CTNNA3: variants seen among roughly 807,000 people sequenced by gnomAD.
The protein encoded by CTNNA3 is catenin alpha-3.
Under a neutral mutation model 95.7 loss-of-function variants are expected in CTNNA3, and 76 were observed. The observed-to-expected ratio is 0.79, with a 90% confidence interval of 0.66 to 0.96. The LOEUF (loss-of-function observed/expected upper bound fraction) is 0.96, where lower values mean the gene tolerates loss of function less well. CTNNA3 is among the 40% of genes least tolerant of loss of function. The pLI is 0.00. For missense variants in CTNNA3, 1,191 were observed against 1,089.8 expected (o/e 1.09, Z -1.31); for synonymous variants, 431 against 374.4 (o/e 1.15, Z -1.74).
chr10:67,056,448 T>G (rs923984789), intron 7 of CTNNA3, among the ~76,000 whole-genome samples: 1 of 152,160 alleles, frequency 6.6e-6, no homozygotes, highest in Admixed American at 6.6e-5. Flanking sequence ...TGCATTATTT[T>G]TCTTCATGAG....
intron 13 of CTNNA3, among the ~76,000 whole-genome samples, chr10:66,225,927 A>G (rs11815593): frequency 0.024 from 3,633 of 152,100 alleles, 96 homozygotes; most frequent in African/African-American, 0.066. Flanking sequence ...GGTTATTTGG[A>G]TATTTTGCTG....
intron 15 of CTNNA3, among the ~76,000 whole-genome samples, chr10:65,992,367 AC>A (rs1328194524): frequency 1.3e-4 from 19 of 151,988 alleles, no homozygotes; most frequent in Non-Finnish European, 1.5e-5. Flanking sequence ...CAATAAAGGA[AC>A]CAATTCTGGG....
chr10:65,982,750 C>T lies in CTNNA3; in HGVS notation c.2265+5942G>A, dbSNP rs185275699. Among the ~76,000 whole-genome samples, 355 of 147,906 alleles carry T rather than the reference C, an allele frequency of 2.4e-3. 2 individuals are homozygous for T. The highest frequency in any genetic ancestry group is 8.4e-3 in the African/African-American group (341 of 40,626). On this transcript the variant is annotated intron_variant, in intron 16 of 17. Transcript: ENST00000433211. ...TCATGTAACCAAACACCATCTGCTC[C>T]CCAAAAACCTCTTGAAAAAAAAAAT...
chr10:66,011,538 T>C (rs2079004961), intron 15 of CTNNA3, among the ~76,000 whole-genome samples: 1 of 152,156 alleles, frequency 6.6e-6, no homozygotes, highest in African/African-American at 2.4e-5. Flanking sequence ...ATTTTTTATA[T>C]ACATAGCAAG....
intron 17 of CTNNA3, among the ~76,000 whole-genome samples, chr10:65,941,411 T>C (rs1290337960): frequency 6.6e-6 from 1 of 152,174 alleles, no homozygotes; most frequent in African/African-American, 2.4e-5. Flanking sequence ...TCTAACGACA[T>C]GTAGAACAGC....
chr10:66,018,720 C>A (rs1416642994), intron 15 of CTNNA3, among the ~76,000 whole-genome samples: 1 of 151,968 alleles, frequency 6.6e-6, no homozygotes, highest in Non-Finnish European at 1.5e-5. Flanking sequence ...GAGGAATTAT[C>A]TTTTCTATCT....
At chr10:66,866,173 G>A (rs1045090970) in intron 7 of CTNNA3, among the ~76,000 whole-genome samples, 3 of 152,184 alleles carry the variant, frequency 2.0e-5, no homozygotes, top group Non-Finnish European at 4.4e-5. Flanking sequence ...TAGTCACAAA[G>A]CTAGTTAACA....
rs190703900 is a variant in CTNNA3 at position 67,725,913 on chromosome 10, T to G, written c.-2+37521A>C. Among the ~76,000 whole-genome samples the G allele has an allele frequency of 9.4e-3, 1,186 of 125,510 alleles. 21 individuals carry two copies. Among genetic ancestry groups the G allele is most frequent in the African/African-American group, 0.035 (1,107 of 32,024 alleles). The allele number at this position is 125,510 out of a possible 152,430, so 82.3% of individuals were successfully genotyped here. On this transcript the variant is annotated intron_variant, in intron 1 of 17. Transcript: ENST00000684154. ...ATATATAATATATATAATTATATATTGTACATAATATATAATTATATAATT... is the reference window on the plus strand; with the variant it reads ...ATATATAATATATATAATTATATATGGTACATAATATATAATTATATAATT...
chr10:66,438,297 C>T (rs897373632), intron 11 of CTNNA3, among the ~76,000 whole-genome samples: 3 of 152,180 alleles, frequency 2.0e-5, no homozygotes, highest in Non-Finnish European at 4.4e-5. Flanking sequence ...GCTGTGCTCA[C>T]AGCTGCCCCT....
At chr10:67,369,284 G>A (rs1337757205) in intron 5 of CTNNA3, among the ~76,000 whole-genome samples, 2 of 152,048 alleles carry the variant, frequency 1.3e-5, no homozygotes, top group African/African-American at 2.4e-5. Flanking sequence ...GAGACTTGCT[G>A]GTCAAGACTT....
At chr10:67,220,452 G>GA (rs1215718673) in intron 5 of CTNNA3, among the ~76,000 whole-genome samples, 1 of 152,128 alleles carries the variant, frequency 6.6e-6, no homozygotes, top group Non-Finnish European at 1.5e-5. Context: ...GTACAGATAT[G>GA]AAAAAATCCT....
rs562663033 is a variant in CTNNA3, at chr10:67,312,765, T to C, written c.580-92895A>G. 3.3e-5 allele frequency among the ~76,000 whole-genome samples: 5 copies of C among 152,282 alleles called. No individual in the cohort carries two copies. The South Asian group carries it at 1.0e-3, about 32-fold the overall frequency. ...AATATTTGACAAATAGATGGACAGA[T>C]GGGTGGATATATGAATAAATAAATG... On this transcript the variant is annotated intron_variant, in intron 5 of 17. Coordinates refer to ENST00000433211, the MANE Select transcript of CTNNA3 (RefSeq NM_013266.4).
chr10:67,305,241 A>T (rs1042251055), intron 5 of CTNNA3, among the ~76,000 whole-genome samples: 4 of 152,048 alleles, frequency 2.6e-5, no homozygotes, highest in Admixed American at 1.3e-4. Context: ...GCGCCACTGC[A>T]CTCCAGCCTG....
At position 67,530,977 on chromosome 10, in the gene CTNNA3, C is replaced by G. The variant is rs77041323; in HGVS notation, c.459+8526G>C. ...GCAGCTTCTGAAGCCTTGCCACCTT[C>G]CATGTGGTATTGAGCCTGCAAGTGC... On this transcript the variant is annotated intron_variant, in intron 4 of 17. Coordinates refer to ENST00000433211, the MANE Select transcript of CTNNA3 (RefSeq NM_013266.4). Among the ~76,000 whole-genome samples, 236 of 152,298 alleles carry G rather than the reference C, an allele frequency of 1.5e-3. 1 individual carries two copies. Among genetic ancestry groups the G allele is most frequent in the South Asian group, 2.1e-3 (10 of 4,824 alleles).
chr10:66,621,861 C>A, intron 9 of CTNNA3, 77 bp from the exon 10 acceptor site: 1 of 685,126 alleles, frequency 1.5e-6, no homozygotes, highest in Non-Finnish European at 2.4e-6. Flanking sequence ...TGAACAAGAA[C>A]ATGTACACAT....
intron 5 of CTNNA3, among the ~76,000 whole-genome samples, chr10:67,376,276 A>T (rs540065704): frequency 6.6e-6 from 1 of 152,338 alleles, no homozygotes; most frequent in East Asian, 1.9e-4. Context: ...AGGTCAGGAA[A>T]GTCACTTAAC....
chr10:66,679,901 A>G (rs1352763508), intron 9 of CTNNA3, among the ~76,000 whole-genome samples: 2 of 152,178 alleles, frequency 1.3e-5, no homozygotes, highest in Non-Finnish European at 1.5e-5. Flanking sequence ...ATAAAAGTAA[A>G]CCAATTTCTC....
At chr10:67,555,435 A>C (rs1841204948) in intron 3 of CTNNA3, among the ~76,000 whole-genome samples, 1 of 152,146 alleles carries the variant, frequency 6.6e-6, no homozygotes, top group Non-Finnish European at 1.5e-5. Context: ...TTCGTTGAGC[A>C]GTGGTTTGTA....
chr10:66,659,818 C>A (rs1454078246), intron 9 of CTNNA3, among the ~76,000 whole-genome samples: 1 of 152,122 alleles, frequency 6.6e-6, no homozygotes, highest in African/African-American at 2.4e-5. Flanking sequence ...ACTTCCCAAC[C>A]TCCAGAACTG....
Sources: gnomAD v4.1 joint callset for allele counts (sites outside exome capture counted in the v4.1 genomes callset) on GRCh38, gnomAD v4.1.1 for gene constraint, MANE v1.5 for transcripts, NCBI Gene and HGNC (gene_info 2026-07-23, HGNC 2026-07-21) for gene names.